FGD4: variants seen among roughly 807,000 people sequenced by gnomAD.
FGD4 encodes FYVE, RhoGEF and PH domain containing 4.
Under a neutral mutation model 102.0 loss-of-function variants are expected in FGD4, and 42 were observed. The ratio of observed to expected loss-of-function variants is 0.41; its 90% CI spans 0.32 to 0.53. The LOEUF is 0.53. Ranked by LOEUF, FGD4 falls within the 20% of genes least tolerant of loss-of-function variation. FGD4 has a pLI of 0.21. For missense variants in FGD4, 902 were observed against 1,078.2 expected (o/e 0.84, Z 2.29); for synonymous variants, 380 against 375.7 (o/e 1.01, Z -0.13).
chr12:32,638,883 A>G (rs1951002404), intron 16 of FGD4, 88 bp downstream of exon 16: 1 of 1,599,998 alleles, frequency 6.3e-7, no homozygotes, highest in African/African-American at 1.3e-5. Context: ...CTGTAGAACA[A>G]GAGTTCAGGC....
At chr12:32,507,175 C>T (rs1030755124) in intron 1 of FGD4, among the ~76,000 whole-genome samples, 9 of 147,974 alleles carry the variant, frequency 6.1e-5, no homozygotes, top group East Asian at 2.0e-4. Flanking sequence ...TGAGAACATG[C>T]GGTGTTTGGT....
chr12:32,607,520 T>C (rs1038937433), intron 7 of FGD4, among the ~76,000 whole-genome samples: 1 of 152,144 alleles, frequency 6.6e-6, no homozygotes, highest in Non-Finnish European at 1.5e-5. Context: ...TCTGTTGTTG[T>C]TGTTGTTTTT....
intron 16 of FGD4, 51 bp from the exon 17 acceptor site, chr12:32,640,225 T>TTAA (rs777706876): frequency 6.2e-7 from 1 of 1,613,920 alleles, no homozygotes; most frequent in Non-Finnish European, 8.5e-7. Flanking sequence ...AGGGACACAC[T>TTAA]TAACAAGCGA....
At chr12:32,481,629 T>G (rs1943768980) in intron 1 of FGD4, among the ~76,000 whole-genome samples, 1 of 152,142 alleles carries the variant, frequency 6.6e-6, no homozygotes. Flanking sequence ...AAGACCAGCC[T>G]GACCAACAAG....
chr12:32,551,670 C>G (rs1195119169), intron 1 of FGD4, among the ~76,000 whole-genome samples: 2 of 152,142 alleles, frequency 1.3e-5, no homozygotes, highest in East Asian at 3.9e-4. Context: ...GAATGTCATG[C>G]TTTTAGGGAT....
chr12:32,481,002 A>G (rs1943744897), intron 1 of FGD4, among the ~76,000 whole-genome samples: 1 of 151,530 alleles, frequency 6.6e-6, no homozygotes. Context: ...ATGCATGCTG[A>G]GATGGGGTCT....
chr12:32,492,784 T>C (rs1050474544), intron 1 of FGD4, among the ~76,000 whole-genome samples: 1 of 151,072 alleles, frequency 6.6e-6, no homozygotes, highest in African/African-American at 2.4e-5. Context: ...ATTTCTCTTA[T>C]TTTTTTTTGG....
chr12:32,431,648 C>A (rs1250972184), intron 1 of FGD4, among the ~76,000 whole-genome samples: 1 of 152,014 alleles, frequency 6.6e-6, no homozygotes, highest in Non-Finnish European at 1.5e-5. Flanking sequence ...GTGGCTCACA[C>A]CTGTAATCCT....
At chr12:32,596,294 G>A (rs1364600246) in intron 4 of FGD4, among the ~76,000 whole-genome samples, 2 of 152,200 alleles carry the variant, frequency 1.3e-5, no homozygotes, top group Admixed American at 6.5e-5. Context: ...CAAAAGAAAA[G>A]CATCTTAGAC....
intron 1 of FGD4, among the ~76,000 whole-genome samples, chr12:32,480,428 C>T (rs2136542987): frequency 6.6e-6 from 1 of 152,180 alleles, no homozygotes; most frequent in Middle Eastern, 3.4e-3. Context: ...TCCCAAAGTG[C>T]TGAGATTACA....
At chr12:32,428,492 T>C (rs1432157577) in intron 1 of FGD4, among the ~76,000 whole-genome samples, 2 of 152,176 alleles carry the variant, frequency 1.3e-5, no homozygotes, top group South Asian at 4.2e-4. Flanking sequence ...TGTCTGCCCT[T>C]AACATTTTTT....
chr12:32,421,425 C>T (rs990536601), intron 1 of FGD4, among the ~76,000 whole-genome samples: 12 of 152,188 alleles, frequency 7.9e-5, no homozygotes, highest in African/African-American at 2.9e-4. Context: ...TTCTTGGCAT[C>T]CTTTCTGATG....
intron 1 of FGD4, among the ~76,000 whole-genome samples, chr12:32,556,530 A>G (rs1944132380): frequency 6.6e-6 from 1 of 152,048 alleles, no homozygotes; most frequent in African/African-American, 2.4e-5. Flanking sequence ...AGCATTATGT[A>G]TGTCCTCAAG....
intron 1 of FGD4, among the ~76,000 whole-genome samples, chr12:32,405,742 T>C (rs750920305): frequency 2.0e-5 from 3 of 152,064 alleles, no homozygotes; most frequent in African/African-American, 4.8e-5. Context: ...GGGAACTTGA[T>C]TGGGGGTCTG....
intron 15 of FGD4, among the ~76,000 whole-genome samples, chr12:32,635,071 C>G (rs1307858054): frequency 1.3e-5 from 2 of 152,180 alleles, no homozygotes; most frequent in Non-Finnish European, 2.9e-5. Flanking sequence ...TGTACACTTA[C>G]AAGTGTACAA....
At chr12:32,464,837 ATAATAGACAT>A (rs1943209198) in intron 1 of FGD4, among the ~76,000 whole-genome samples, 1 of 152,368 alleles carries the variant, frequency 6.6e-6, no homozygotes, top group South Asian at 2.1e-4. Flanking sequence ...CTGGTCCCTT[ATAATAGACAT>A]TAAACTAAGA....
chr12:32,634,852 G>T (rs1191483694), intron 15 of FGD4, among the ~76,000 whole-genome samples: 1 of 152,144 alleles, frequency 6.6e-6, no homozygotes, highest in Admixed American at 6.5e-5. Context: ...GCTGGGTGTG[G>T]TGGCACACAC....
chr12:32,492,796 A>G (rs566858224), intron 1 of FGD4, among the ~76,000 whole-genome samples: 2 of 152,164 alleles, frequency 1.3e-5, no homozygotes, highest in East Asian at 3.9e-4. Flanking sequence ...TTTTTTTGGT[A>G]TAAAACCTTA....
intron 1 of FGD4, among the ~76,000 whole-genome samples, chr12:32,549,641 A>C (rs908731999): frequency 6.6e-6 from 1 of 152,210 alleles, no homozygotes; most frequent in Admixed American, 6.5e-5. Flanking sequence ...GTTTAAAGAA[A>C]GTACCAAAGG....
Sources: gnomAD v4.1 joint callset for allele counts (sites outside exome capture counted in the v4.1 genomes callset) on GRCh38, gnomAD v4.1.1 for gene constraint, MANE v1.5 for transcripts, NCBI Gene and HGNC (gene_info 2026-07-23, HGNC 2026-07-21) for gene names.